STRADB: variants seen among roughly 807,000 people sequenced by gnomAD.
The protein encoded by STRADB is STE20-related kinase adapter protein beta.
STRADB carries 34 observed loss-of-function variants against 52.1 expected under a neutral mutation model. The ratio of observed to expected loss-of-function variants is 0.65; its 90% CI spans 0.50 to 0.87. The LOEUF is 0.87. Among genes scored for constraint, STRADB ranks in the 40% least tolerant of loss-of-function variants. The probability of loss-of-function intolerance (pLI) is 0.00; values close to 1 mark genes in which losing one functional copy is unlikely to be tolerated. For missense variants in STRADB, 340 were observed against 483.9 expected, an observed-to-expected ratio of 0.70 and a Z score of 2.79; for synonymous variants, 133 against 174.5, an observed-to-expected ratio of 0.76 and a Z score of 1.87.
intron 6 of STRADB, 38 bp from the exon 7 acceptor site, chr2:201,475,581 T>G: frequency 6.2e-7 from 1 of 1,611,074 alleles, no homozygotes; most frequent in Non-Finnish European, 8.5e-7. Flanking sequence ...CAAAATCACT[T>G]TCAATGTTCA....
At chr2:201,460,700 CT>C in intron 3 of STRADB, 3 of 208,896 alleles carry the variant, frequency 1.4e-5, no homozygotes, top group South Asian at 6.2e-5. Flanking sequence ...GTATCTCATT[CT>C]TTTTTGTGGC....
rs1366313854 is a variant in STRADB at position 201,454,736 on chromosome 2, T to C, written c.-95-10T>C. The C allele has an allele frequency of 4.3e-6, 5 of 1,159,482 alleles. No homozygotes were observed. The highest frequency in any genetic ancestry group is 6.1e-6 in the Non-Finnish European group (5 of 825,774). 71.8% of individuals were successfully genotyped at this position (1,159,482 alleles called of 1,614,324 possible). ...GTGAATCTAAATTATTTTGCTTTTG[T>C]TTTTTATAGTAGGATATATCTGCAT... is the stretch of plus-strand genomic sequence containing the variant. On this transcript the variant is annotated splice_polypyrimidine_tract_variant and intron_variant, in intron 1 of 11. Transcript: ENST00000194530.
At chr2:201,470,641 C>T (rs1952375082) in intron 4 of STRADB, among the ~76,000 whole-genome samples, 1 of 152,132 alleles carries the variant, frequency 6.6e-6, no homozygotes. Flanking sequence ...AAGATGAAGA[C>T]ACAATATAGC....
intron 3 of STRADB, among the ~76,000 whole-genome samples, chr2:201,461,311 A>G (rs933589843): frequency 6.6e-6 from 1 of 152,082 alleles, no homozygotes; most frequent in Non-Finnish European, 1.5e-5. Flanking sequence ...ACCTCAGGTT[A>G]TTGATAAGCT....
rs546064459 is a variant in STRADB, at chr2:201,465,059, AC to A, written c.94-4890del. Among the ~76,000 whole-genome samples, 564 of 152,050 alleles carry A rather than the reference AC, an allele frequency of 3.7e-3. 8 individuals are homozygous for A. The highest frequency in any genetic ancestry group is 0.013 in the African/African-American group (551 of 41,452). On this transcript the variant is annotated intron_variant, in intron 3 of 11. Coordinates refer to ENST00000194530, the MANE Select transcript of STRADB (RefSeq NM_018571.6). Reference sequence around the variant, plus strand: ...CAGGAGCCAAGGCCTGGAATCAGGGACCCCAGGAGTCTGCTTGGTGCTCTAG... The same window carrying A: ...CAGGAGCCAAGGCCTGGAATCAGGGACCCAGGAGTCTGCTTGGTGCTCTAG...
Position 201,479,492 on chromosome 2 carries a change from A to G in STRADB, c.1074A>G (p.Pro358=). 8 of 1,601,132 alleles carry G rather than the reference A, an allele frequency of 5.0e-6. No individual in the cohort carries two copies. Among genetic ancestry groups the G allele is most frequent in the Non-Finnish European group, 6.8e-6 (8 of 1,177,072 alleles). Residue 358 remains proline (P), a synonymous_variant, in exon 11 of 12, where the codon CCA becomes CCG. Transcript: ENST00000194530. The part of the protein sequence containing the change: ...LCLQQDPEKR[P]SASSLLSHVF... ...ATAACTTTCTTAAAAATTTCAGGCC[A>G]TCAGCAAGCAGTTTATTGTCCCATG...
chr2:201,462,756 G>A (rs537472478), intron 3 of STRADB, among the ~76,000 whole-genome samples: 6 of 152,204 alleles, frequency 3.9e-5, no homozygotes, highest in Admixed American at 3.3e-4. Context: ...AAAAGGTATT[G>A]CAGTTATCAT....
At chr2:201,455,038 G>T (rs564941648) in intron 2 of STRADB, among the ~76,000 whole-genome samples, 186 bp downstream of exon 2, 1 of 152,086 alleles carries the variant, frequency 6.6e-6, no homozygotes, top group East Asian at 1.9e-4. Flanking sequence ...CTTTCATAAA[G>T]AACTTCTCGT....
chr2:201,460,601 G>A (rs1484315695), intron 3 of STRADB, among the ~76,000 whole-genome samples: 1 of 152,130 alleles, frequency 6.6e-6, no homozygotes, highest in Non-Finnish European at 1.5e-5. Context: ...TCCCACAGGT[G>A]AGTGACATGT....
chr2:201,477,575 T>C (rs948730233), intron 7 of STRADB, 44 bp from the exon 8 acceptor site: 4 of 1,550,714 alleles, frequency 2.6e-6, no homozygotes, highest in South Asian at 1.2e-5. Context: ...TCTTTCTTCA[T>C]TGGCCAGTTT....
chr2:201,459,981 A>G (rs1389962806), intron 3 of STRADB, among the ~76,000 whole-genome samples: 1 of 152,092 alleles, frequency 6.6e-6, no homozygotes, highest in African/African-American at 2.4e-5. Flanking sequence ...AGATATATCT[A>G]AGGATATTTC....
intron 8 of STRADB, 67 bp from the exon 9 acceptor site, chr2:201,478,020 G>T: frequency 7.2e-7 from 1 of 1,386,866 alleles, no homozygotes; most frequent in Non-Finnish European, 9.9e-7. Flanking sequence ...TATCAAAAAA[G>T]CACATGTGTA....
At chr2:201,458,700 C>T in intron 2 of STRADB, 84 bp from the exon 3 acceptor site, 2 of 1,232,982 alleles carry the variant, frequency 1.6e-6, no homozygotes, top group South Asian at 1.3e-5. Context: ...CCACTGTAGT[C>T]ATTAGACCTT....
Position 201,477,724 on chromosome 2 carries a change from T to A in STRADB, c.654T>A (p.Ala218=). Reference sequence around the variant, plus strand: ...TTAAGCATGGACAGAGGCATAGGGCTGTGTATGATTTCCCACAGTTCAGCA... The same window carrying A: ...TTAAGCATGGACAGAGGCATAGGGCAGTGTATGATTTCCCACAGTTCAGCA... ...SLVKHGQRHR[A]VYDFPQFSTS... is the part of the protein sequence containing the mutation. The change falls in exon 8 of 12, where the codon GCT becomes GCA. Residue 218 remains alanine (A), a synonymous_variant. Transcript: ENST00000194530. 1 of 1,613,756 alleles carries A rather than the reference T, an allele frequency of 6.2e-7. No homozygotes were observed. The highest frequency in any genetic ancestry group is 8.5e-7 in the Non-Finnish European group (1 of 1,179,654).
At chr2:201,464,610 A>T (rs1952269669) in intron 3 of STRADB, among the ~76,000 whole-genome samples, 5 of 152,180 alleles carry the variant, frequency 3.3e-5, no homozygotes, top group Admixed American at 3.3e-4. Context: ...TGTTCACTCA[A>T]GGATACCAAG....
intron 3 of STRADB, among the ~76,000 whole-genome samples, chr2:201,468,942 G>C (rs974812643): frequency 1.3e-5 from 2 of 152,112 alleles, no homozygotes; most frequent in African/African-American, 4.8e-5. Context: ...ATTTTGATTT[G>C]TTTTCTCATC....
Position 201,478,370 on chromosome 2 carries a change from A to G in STRADB, c.839A>G (p.Lys280Arg). ...TGTTTCTTTTAGATGCTGTTACAGA[A>G]ACTGAAAGGTCCTCCTTATAGCCCA... is the stretch of plus-strand genomic sequence containing the variant. ...DMHRTQMLLQ[K>R]LKGPPYSPLD... Residue 280 changes from lysine to arginine, a missense_variant, in exon 10 of 12, where the codon AAA becomes AGA. By Grantham distance (26) the Lys-to-Arg change is conservative. Transcript: ENST00000194530. The G allele has an allele frequency of 6.2e-7, 1 of 1,613,328 alleles. No individual in the cohort carries two copies. The highest frequency in any genetic ancestry group is 8.5e-7 in the Non-Finnish European group (1 of 1,179,858).
chr2:201,473,037 T>G lies in STRADB; in HGVS notation c.276T>G (p.Asn92Lys). ...CACTGGTAACTATAAAAATTACAAA[T>G]CTGGAAAACTGCAATGAAGAACGCC... The part of the protein sequence containing the change: ...TGTLVTIKIT[N>K]LENCNEERLK... The change falls in exon 5 of 12, where the codon AAT (asparagine) becomes AAG (lysine). Residue 92 changes from asparagine (N) to lysine (K), a missense_variant. Physicochemically the swap from Asn to Lys is moderately conservative, Grantham distance 94 (BLOSUM62 0). Coordinates refer to ENST00000194530, the MANE Select transcript of STRADB (RefSeq NM_018571.6). The G allele has an allele frequency of 6.2e-7, 1 of 1,613,090 alleles. No homozygotes were observed. Among genetic ancestry groups the G allele is most frequent in the African/African-American group, 1.3e-5 (1 of 74,942 alleles).
chr2:201,475,818 C>T (rs915547755), intron 7 of STRADB, 76 bp downstream of exon 7: 3 of 1,456,188 alleles, frequency 2.1e-6, no homozygotes, highest in Non-Finnish European at 2.8e-6. Context: ...TAGGAAGGAG[C>T]AGTTGAATAT....
Sources: allele counts gnomAD v4.1 joint callset (sites outside exome capture counted in the v4.1 genomes callset), GRCh38; gene constraint gnomAD v4.1.1; transcripts MANE v1.5; gene names NCBI Gene and HGNC (gene_info 2026-07-23, HGNC 2026-07-21).